CD27: variants seen among roughly 807,000 people sequenced by gnomAD.
The protein encoded by CD27 is CD27 antigen.
A neutral mutation model predicts 25.9 loss-of-function variants in CD27; 16 were observed. The ratio of observed to expected loss-of-function variants is 0.62; its 90% CI spans 0.42 to 0.94. CD27 has a LOEUF of 0.94. CD27 is among the 40% of genes least tolerant of loss of function. The pLI, the probability that CD27 is intolerant of heterozygous loss-of-function variation, is 0.00. For missense variants in CD27, 300 were observed against 333.2 expected (o/e 0.90, Z 0.78); for synonymous variants, 142 against 124.3 (o/e 1.14, Z -0.95).
At position 6,451,704 on chromosome 12, in the gene CD27, G is replaced by A. The variant is rs1335897543; in HGVS notation, c.*312G>A. 2 of 329,212 alleles carry A rather than the reference G, an allele frequency of 6.1e-6. No individual in the cohort carries two copies. The highest frequency in any genetic ancestry group is 5.6e-6 in the Non-Finnish European group (1 of 177,838). 20.4% of individuals were successfully genotyped at this position (329,212 alleles called of 1,614,324 possible). A position where few individuals can be genotyped will look rare whatever the true frequency, so the allele number is the denominator to read the frequency against. On this transcript the variant is annotated 3_prime_UTR_variant, in exon 6 of 6. Coordinates refer to ENST00000266557, the MANE Select transcript of CD27 (RefSeq NM_001242.5). ...ACAAGACGGGCAAAATAAAGTGACAGATGACCACCCTGCAGCTCTCCAGCT... is the reference window on the plus strand; with the variant it reads ...ACAAGACGGGCAAAATAAAGTGACAAATGACCACCCTGCAGCTCTCCAGCT...
intron 5 of CD27, 88 bp from the exon 6 acceptor site, chr12:6,451,180 C>T: frequency 7.1e-6 from 11 of 1,554,540 alleles, no homozygotes; most frequent in South Asian, 1.2e-5. Context: ...ACACCCCTCC[C>T]CCAAGCGCAC....
In CD27 at chr12:6,450,503, G is replaced by T. The variant is rs1418167071; in HGVS notation, c.449-38G>T. On this transcript the variant is annotated intron_variant, in intron 3 of 5. Transcript: ENST00000266557. The surrounding 1 kb of genome is among the most constrained non-coding windows in gnomAD (Gnocchi z 4.1). ...CAGGCCTTCAGATGTGCCCTATGGG[G>T]TCCCCTGCTGCTACTCATTCTGTCT... 1.3e-6 allele frequency: 2 copies of T among 1,596,430 alleles called. No individual in the cohort carries two copies. Among genetic ancestry groups the T allele is most frequent in the Non-Finnish European group, 1.7e-6 (2 of 1,165,912 alleles).
In CD27 at chr12:6,445,365, T is replaced by G; in HGVS notation, c.137-59T>G. ...CCTGCAGCTGTGGGGAGGCACCACC[T>G]TGAAGAGGGCAGAGAACCAGCCCTT... is the stretch of plus-strand genomic sequence containing the variant. On this transcript the variant is annotated intron_variant, in intron 1 of 5. Transcript: ENST00000266557. This position sits in a 1 kb window ranked among gnomAD's most constrained non-coding sequence, Gnocchi z 4.5. 6.2e-7 allele frequency: 1 copy of G among 1,611,658 alleles called. No individual in the cohort carries two copies. Among genetic ancestry groups the G allele is most frequent in the Non-Finnish European group, 8.5e-7 (1 of 1,178,308 alleles).
In CD27 at chr12:6,451,439, C is replaced by T; in HGVS notation, c.*47C>T. ...ACTACAGCCCTGGCCTCCACCCCCA[C>T]CCCGCCGACCATCCAAGGGAGAGTG... On this transcript the variant is annotated 3_prime_UTR_variant, in exon 6 of 6. Coordinates refer to ENST00000266557, the MANE Select transcript of CD27 (RefSeq NM_001242.5). 1 of 1,581,938 alleles carries T rather than the reference C, an allele frequency of 6.3e-7. No homozygotes were observed. The highest frequency in any genetic ancestry group is 8.6e-7 in the Non-Finnish European group (1 of 1,164,798).
At position 6,450,959 on chromosome 12, in the gene CD27, T is replaced by G. The variant is rs575258498; in HGVS notation, c.603T>G (p.Leu201=). The G allele has an allele frequency of 1.2e-5, 20 of 1,614,150 alleles. No homozygotes were observed. The South Asian group carries it at 1.8e-4, about 14-fold the overall frequency. The change falls in exon 5 of 6, where the codon CTT becomes CTG. Residue 201 remains leucine (L), a synonymous_variant. Coordinates refer to ENST00000266557, the MANE Select transcript of CD27 (RefSeq NM_001242.5). This position sits in a 1 kb window ranked among gnomAD's most constrained non-coding sequence, Gnocchi z 4.1. ...TTGTGATCTTCTCTGGAATGTTCCT[T>G]GTTTTCACCCTGGCCGGGGCCCTGT... ...RILVIFSGMF[L]VFTLAGALFL...
At chr12:6,444,653 G>T (rs11569362), upstream of CD27, among the ~76,000 whole-genome samples, 641 of 95,902 alleles carry the variant, frequency 6.7e-3, 2 homozygotes, top group Non-Finnish European at 0.013. Flanking sequence ...AACTGTGGAC[G>T]GGGGGGTGGG....
rs144098443 is a variant in CD27 at position 6,450,321 on chromosome 12, C to A, written c.417C>A (p.His139Gln). The A allele has an allele frequency of 5.0e-5, 81 of 1,612,986 alleles. No individual in the cohort carries two copies. Among genetic ancestry groups the A allele is most frequent in the Admixed American group, 2.2e-4 (13 of 59,988 alleles). The change falls in exon 3 of 6, where the codon CAC (histidine) becomes CAA (glutamine). Residue 139 changes from histidine (H) to glutamine (Q), a missense_variant. Coordinates refer to ENST00000266557, the MANE Select transcript of CD27 (RefSeq NM_001242.5). This position sits in a 1 kb window ranked among gnomAD's most constrained non-coding sequence, Gnocchi z 4.1. ...GGTCGTCTCAGGCCCTGAGCCCACA[C>A]CCTCAGCCCACCCACTTACCTTATG... ...TARSSQALSP[H>Q]PQPTHLPYVS...
upstream of CD27, chr12:6,444,942 A>G: frequency 1.3e-6 from 1 of 751,576 alleles, no homozygotes; most frequent in Non-Finnish European, 2.1e-6. Flanking sequence ...AACAGCCACA[A>G]TAGAGATTCT....
At position 6,451,625 on chromosome 12, in the gene CD27, G is replaced by A; in HGVS notation, c.*233G>A. The A allele has an allele frequency of 2.0e-6, 1 of 496,632 alleles. No homozygotes were observed. The highest frequency in any genetic ancestry group is 1.9e-5 in the African/African-American group (1 of 52,060). 30.8% of individuals were successfully genotyped at this position (496,632 alleles called of 1,614,324 possible). A position where few individuals can be genotyped will look rare whatever the true frequency, so the allele number is the denominator to read the frequency against. On this transcript the variant is annotated 3_prime_UTR_variant, in exon 6 of 6. Coordinates refer to ENST00000266557, the MANE Select transcript of CD27 (RefSeq NM_001242.5). ...AGCCAGCTGCGCCTGCGCTGCAGGAGGGCGGGGGCTCTGGTTGTAAAACAC... is the reference window on the plus strand; with the variant it reads ...AGCCAGCTGCGCCTGCGCTGCAGGAAGGCGGGGGCTCTGGTTGTAAAACAC...
In CD27 at chr12:6,445,701, G is replaced by C; in HGVS notation, c.268+146G>C. The C allele has an allele frequency of 9.6e-7, 1 of 1,040,368 alleles. No individual in the cohort carries two copies. Among genetic ancestry groups the C allele is most frequent in the Non-Finnish European group, 1.4e-6 (1 of 734,436 alleles). 64.4% of individuals were successfully genotyped at this position (1,040,368 alleles called of 1,614,324 possible). On this transcript the variant is annotated intron_variant, in intron 2 of 5. Transcript: ENST00000266557. The surrounding 1 kb of genome is among the most constrained non-coding windows in gnomAD (Gnocchi z 4.5). ...CTCACAGCAAGTGGAGCCAATGCTG[G>C]GAAATGCGGCACCCTAGGTGGGGCA...
intron 2 of CD27, chr12:6,447,072 T>C (rs1378854648): frequency 6.6e-6 from 1 of 151,464 alleles, no homozygotes; most frequent in Non-Finnish European, 1.5e-5. Flanking sequence ...GGAGACAGAG[T>C]GAGCAGAGTG....
chr12:6,450,274 C>T lies in CD27; in HGVS notation c.370C>T (p.Pro124Ser). Residue 124 changes from proline (P) to serine (S), a missense_variant, in exon 3 of 6, where the codon CCA becomes TCA. By Grantham distance (74) the Pro-to-Ser change is moderately conservative. Transcript: ENST00000266557. The surrounding 1 kb of genome is among the most constrained non-coding windows in gnomAD (Gnocchi z 4.1). ...DKECTECDPL[P>S]NPSLTARSSQ... ...GGAGTGCACCGAGTGTGATCCTCTT[C>T]CAAACCCTTCGCTGACCGCTCGGTC... 6.2e-7 allele frequency: 1 copy of T among 1,613,964 alleles called. No homozygotes were observed. Among genetic ancestry groups the T allele is most frequent in the Non-Finnish European group, 8.5e-7 (1 of 1,180,020 alleles).
chr12:6,451,171 C>A (rs1404166003), intron 5 of CD27, 97 bp from the exon 6 acceptor site: 3 of 1,535,222 alleles, frequency 2.0e-6, no homozygotes, highest in Non-Finnish European at 2.7e-6. Context: ...GTGCTCCTGA[C>A]ACCCCTCCCC....
chr12:6,450,968 C>G lies in CD27; in HGVS notation c.612C>G (p.Thr204=), dbSNP rs1949529536. ...VIFSGMFLVF[T]LAGALFLHQR... The stretch of plus-strand genomic sequence containing the variant: ...TCTCTGGAATGTTCCTTGTTTTCAC[C>G]CTGGCCGGGGCCCTGTTCCTCCATC... The change falls in exon 5 of 6, where the codon ACC becomes ACG. Residue 204 remains threonine, a synonymous_variant. Coordinates refer to ENST00000266557, the MANE Select transcript of CD27 (RefSeq NM_001242.5). The surrounding 1 kb of genome is among the most constrained non-coding windows in gnomAD (Gnocchi z 4.1). 1.2e-6 allele frequency: 2 copies of G among 1,613,990 alleles called. No individual in the cohort carries two copies. The highest frequency in any genetic ancestry group is 3.3e-5 in the Admixed American group (2 of 59,998).
At chr12:6,446,870 A>T (rs1317783853) in intron 2 of CD27, 1 of 152,152 alleles carries the variant, frequency 6.6e-6, no homozygotes, top group African/African-American at 2.4e-5. Flanking sequence ...GGATCCCTTG[A>T]GCCCAGGAGT....
Position 6,445,124 on chromosome 12 carries a change from GCGTT to G in CD27, c.31_34del (p.Val11TrpfsTer39), listed in dbSNP as rs750165204. ...GCACGGCCACATCCCTGGTGGCTGT[GCGTT>G]CTGGGGACCCTGGTGGGGCTCTCAG... On this transcript the variant is annotated frameshift_variant, in exon 1 of 6. Coordinates refer to ENST00000266557, the MANE Select transcript of CD27 (RefSeq NM_001242.5). LOFTEE classifies it high-confidence loss of function. This position sits in a 1 kb window ranked among gnomAD's most constrained non-coding sequence, Gnocchi z 4.5. 2 of 1,606,592 alleles carry G rather than the reference GCGTT, an allele frequency of 1.2e-6. No homozygotes were observed. Among genetic ancestry groups the G allele is most frequent in the African/African-American group, 2.7e-5 (2 of 74,774 alleles).
intron 2 of CD27, among the ~76,000 whole-genome samples, chr12:6,448,382 C>G (rs547543567): frequency 2.4e-4 from 36 of 152,206 alleles, no homozygotes; most frequent in African/African-American, 7.9e-4. Flanking sequence ...CAGCCGCCAG[C>G]GAGCCCAGCC....
rs1005862168 is a variant in CD27, at chr12:6,450,083, T to G, written c.269-90T>G. The G allele has an allele frequency of 1.2e-5, 15 of 1,216,316 alleles. No homozygotes were observed. The African/African-American group carries it at 2.2e-4, about 18-fold the overall frequency. The allele number at this position is 1,216,316 out of a possible 1,614,324, so 75.3% of individuals were successfully genotyped here. The stretch of plus-strand genomic sequence containing the variant: ...GGAAGCACGTCCCTAGAGGTGGGCC[T>G]GGGATGGGGGTTGGGGGATGAAGCA... On this transcript the variant is annotated intron_variant, in intron 2 of 5. Transcript: ENST00000266557. The surrounding 1 kb of genome is among the most constrained non-coding windows in gnomAD (Gnocchi z 4.1).
At position 6,445,093 on chromosome 12, in the gene CD27, A is replaced by T. The variant is rs1949393736; in HGVS notation, c.-3A>T. The T allele has an allele frequency of 6.2e-7, 1 of 1,603,056 alleles. No individual in the cohort carries two copies. Among genetic ancestry groups the T allele is most frequent in the Non-Finnish European group, 8.5e-7 (1 of 1,176,030 alleles). ...ACAGAAAGGAGCCGCCTGGGCAGGG[A>T]CCATGGCACGGCCACATCCCTGGTG... On this transcript the variant is annotated 5_prime_UTR_variant, in exon 1 of 6. Transcript: ENST00000266557. The surrounding 1 kb of genome is among the most constrained non-coding windows in gnomAD (Gnocchi z 4.5).
Sources: allele counts gnomAD v4.1 joint callset (sites outside exome capture counted in the v4.1 genomes callset), GRCh38; gene constraint gnomAD v4.1.1; non-coding constraint Gnocchi (gnomAD v3.1); transcripts MANE v1.5; gene names NCBI Gene and HGNC (gene_info 2026-07-23, HGNC 2026-07-21).